SMC2: variants seen among roughly 807,000 people sequenced by gnomAD.
The protein encoded by SMC2 is structural maintenance of chromosomes protein 2.
In SMC2, 41 loss-of-function variants were observed where a neutral mutation model predicts 142.6. That is an observed-to-expected ratio of 0.29 (90% CI 0.22 to 0.37). SMC2 has a LOEUF of 0.37. Among genes scored for constraint, SMC2 ranks in the 10% least tolerant of loss-of-function variants. The probability of loss-of-function intolerance (pLI) is 1.00; values close to 1 mark genes in which losing one functional copy is unlikely to be tolerated. For missense variants in SMC2, 1,265 were observed against 1,373.7 expected, an observed-to-expected ratio of 0.92 and a Z score of 1.25; for synonymous variants, 463 against 457.5, an observed-to-expected ratio of 1.01 and a Z score of -0.15.
chr9:104,139,290 C>T lies in SMC2; in HGVS notation c.3569C>T (p.Pro1190Leu), dbSNP rs756007314. 1 of 1,593,674 alleles carries T rather than the reference C, an allele frequency of 6.3e-7. No individual in the cohort carries two copies. Among genetic ancestry groups the T allele is most frequent in the East Asian group, 2.3e-5 (1 of 43,698 alleles). ...GAAGCAAAATCCAAGGCAAAACCAC[C>T]CAAAGGAGCACATGTGGAAGTTTAA... is the stretch of plus-strand genomic sequence containing the variant. ...SKEAKSKAKP[P>L]KGAHVEV Residue 1190 changes from proline (P) to leucine (L), a missense_variant, in exon 25 of 25, where the codon CCC (proline) becomes CTC (leucine). Pro to Leu is a moderately conservative substitution (Grantham distance 98). This residue lies in a region of SMC2 where 192 missense variants were observed against 261.9 expected (regional missense o/e 0.73). Coordinates refer to ENST00000374793, the MANE Select transcript of SMC2 (RefSeq NM_006444.3).
At chr9:104,112,102 C>T (rs566803214) in intron 10 of SMC2, among the ~76,000 whole-genome samples, 11 of 152,234 alleles carry the variant, frequency 7.2e-5, no homozygotes, top group African/African-American at 2.4e-4. Context: ...GTGGAATTTT[C>T]GAGATTAATG....
intron 7 of SMC2, among the ~76,000 whole-genome samples, chr9:104,101,482 T>G (rs1400653606): frequency 6.6e-6 from 1 of 152,250 alleles, no homozygotes; most frequent in Non-Finnish European, 1.5e-5. Flanking sequence ...ACAGATCATT[T>G]AATCATTCTG....
rs1165197229 is a variant in SMC2, at chr9:104,113,199, CAATT to C, written c.1255-114_1255-111del. 9.0e-6 allele frequency: 6 copies of C among 665,268 alleles called. No homozygotes were observed. The African/African-American group carries it at 1.1e-4, about 12-fold the overall frequency. The allele number at this position is 665,268 out of a possible 1,614,324, so 41.2% of individuals were successfully genotyped here. On this transcript the variant is annotated intron_variant, in intron 10 of 24. Coordinates refer to ENST00000374793, the MANE Select transcript of SMC2 (RefSeq NM_006444.3). Reference sequence around the variant, plus strand: ...TGAAATACTAATCCAAGAGACCAAACAATTAAACTTTGAAGGTTAAGGTCTCTTA... The same window carrying C: ...TGAAATACTAATCCAAGAGACCAAACAAACTTTGAAGGTTAAGGTCTCTTA...
At chr9:104,113,536 T>C (rs1832728585) in intron 11 of SMC2, 61 bp downstream of exon 11, 17 of 1,346,554 alleles carry the variant, frequency 1.3e-5, no homozygotes, top group Non-Finnish European at 1.6e-5. Flanking sequence ...GATAAAAAGC[T>C]AATTTAAATA....
chr9:104,114,153 G>A, intron 12 of SMC2, 72 bp downstream of exon 12: 1 of 974,192 alleles, frequency 1.0e-6, no homozygotes, highest in Non-Finnish European at 1.5e-6. Flanking sequence ...GAAGCAGTGT[G>A]AAAATTTTGT....
chr9:104,102,337 A>T, intron 8 of SMC2, 87 bp from the exon 9 acceptor site: 2 of 1,289,264 alleles, frequency 1.6e-6, no homozygotes, highest in Non-Finnish European at 2.1e-6. Context: ...AACTTATAAA[A>T]AAGTGTTTGA....
intron 11 of SMC2, 49 bp from the exon 12 acceptor site, chr9:104,113,915 G>C (rs1832779026): frequency 8.7e-7 from 1 of 1,143,470 alleles, no homozygotes; most frequent in South Asian, 1.5e-5. Context: ...TAAAACAGTA[G>C]AGTGAGCTTT....
intron 22 of SMC2, among the ~76,000 whole-genome samples, 172 bp from the exon 23 acceptor site, chr9:104,134,243 G>C: frequency 6.6e-6 from 1 of 152,074 alleles, no homozygotes; most frequent in Non-Finnish European, 1.5e-5. Context: ...ACCGATAGAC[G>C]CTTTGTAAAT....
chr9:104,133,193 T>C (rs1467489893), intron 22 of SMC2, among the ~76,000 whole-genome samples: 2 of 152,148 alleles, frequency 1.3e-5, no homozygotes, highest in African/African-American at 2.4e-5. Flanking sequence ...TTCATCTTTA[T>C]ATCGATCTAT....
intron 9 of SMC2, among the ~76,000 whole-genome samples, chr9:104,111,350 A>G (rs1351885133): frequency 2.0e-5 from 3 of 152,150 alleles, no homozygotes; most frequent in Non-Finnish European, 2.9e-5. Flanking sequence ...TGTCTCATGG[A>G]TTTAATTTAT....
chr9:104,114,541 A>G, intron 12 of SMC2, 150 bp from the exon 13 acceptor site: 1 of 616,026 alleles, frequency 1.6e-6, no homozygotes. Flanking sequence ...CATTTGGGAC[A>G]TTTTAAAATT....
At chr9:104,100,794 C>T (rs1020376861) in intron 7 of SMC2, among the ~76,000 whole-genome samples, 2 of 152,132 alleles carry the variant, frequency 1.3e-5, no homozygotes, top group African/African-American at 4.8e-5. Flanking sequence ...TCCAGGATAA[C>T]AGGGGCTATC....
intron 9 of SMC2, among the ~76,000 whole-genome samples, chr9:104,106,457 C>T (rs905150626): frequency 2.0e-5 from 3 of 151,942 alleles, no homozygotes; most frequent in African/African-American, 4.8e-5. Context: ...GGCGCAATTT[C>T]GGCTCACTAC....
chr9:104,135,574 T>G (rs1218792643), intron 23 of SMC2, among the ~76,000 whole-genome samples: 1 of 152,170 alleles, frequency 6.6e-6, no homozygotes, highest in African/African-American at 2.4e-5. Flanking sequence ...ACCCACAGAC[T>G]TGAGTTCTAT....
chr9:104,118,341 T>G lies in SMC2; in HGVS notation c.1962T>G (p.Gly654=). Residue 654 remains glycine, a synonymous_variant, in exon 15 of 25, where the codon GGT becomes GGG. Transcript: ENST00000374793. ...TGACTAGAACTGTAACTCTCGGAGG[T>G]GATGTGTTTGATCCTCATGGGACAT... The part of the protein sequence containing the change: ...RIMTRTVTLG[G]DVFDPHGTLS... 6.2e-7 allele frequency: 1 copy of G among 1,613,508 alleles called. No homozygotes were observed. The highest frequency in any genetic ancestry group is 8.5e-7 in the Non-Finnish European group (1 of 1,179,618).
At chr9:104,093,910 G>C (rs546715479), upstream of SMC2, among the ~76,000 whole-genome samples, 10 of 152,358 alleles carry the variant, frequency 6.6e-5, no homozygotes, top group African/African-American at 2.4e-4. Context: ...AACACTCATA[G>C]AATGCCTCTC....
Position 104,118,296 on chromosome 9 carries a change from G to A in SMC2, c.1917G>A (p.Val639=). ...VCDNMDNAKK[V]AFDKRIMTRT... ...ACAATATGGATAATGCCAAAAAAGT[G>A]GCCTTTGATAAGAGGATAATGACTA... Residue 639 remains valine (V), a synonymous_variant, in exon 15 of 25, where the codon GTG becomes GTA. Transcript: ENST00000374793. 6.2e-7 allele frequency: 1 copy of A among 1,613,438 alleles called. No individual in the cohort carries two copies. The highest frequency in any genetic ancestry group is 8.5e-7 in the Non-Finnish European group (1 of 1,179,678).
rs1834756734 is a variant in SMC2 at position 104,129,923 on chromosome 9, AT to A, written c.2991+80del. 5.8e-6 allele frequency: 6 copies of A among 1,033,846 alleles called. No homozygotes were observed. In the Admixed American group the frequency reaches 1.2e-4, roughly 20 times the overall value. 64.0% of individuals were successfully genotyped at this position (1,033,846 alleles called of 1,614,324 possible). A position where few individuals can be genotyped will look rare whatever the true frequency, so the allele number is the denominator to read the frequency against. On this transcript the variant is annotated intron_variant, in intron 21 of 24. Transcript: ENST00000374793. Reference sequence around the variant, plus strand: ...ACAGCTCTGTATGACCTCTGATGCAATTATTAGAGTTAACCTTTTGCAGATG... The same window carrying A: ...ACAGCTCTGTATGACCTCTGATGCAATATTAGAGTTAACCTTTTGCAGATG...
At chr9:104,106,323 A>G (rs1404100864) in intron 9 of SMC2, among the ~76,000 whole-genome samples, 6 of 152,214 alleles carry the variant, frequency 3.9e-5, no homozygotes, top group African/African-American at 7.2e-5. Flanking sequence ...CATGAGTGAC[A>G]TATATTTGTC....
Sources: gnomAD v4.1 joint callset for allele counts (sites outside exome capture counted in the v4.1 genomes callset) on GRCh38, gnomAD v4.1.1 for gene constraint, gnomAD v4.1.1 regional missense constraint, MANE v1.5 for transcripts, NCBI Gene and HGNC (gene_info 2026-07-23, HGNC 2026-07-21) for gene names.